Variants in SLC24A2 observed in about 807,000 individuals in gnomAD.
The protein encoded by SLC24A2 is solute carrier family 24 member 2.
In SLC24A2, 36 loss-of-function variants were observed where a neutral mutation model predicts 62.0. The observed-to-expected ratio is 0.58, with a 90% CI of 0.44 to 0.77. SLC24A2 has a LOEUF of 0.77. SLC24A2 is among the 30% of genes least tolerant of loss of function. SLC24A2 has a pLI of 0.00. For missense variants in SLC24A2, 846 were observed against 817.9 expected (o/e 1.03, Z -0.42); for synonymous variants, 358 against 294.0 (o/e 1.22, Z -2.23).
the SLC24A2 span, among the ~76,000 whole-genome samples, chr9:20,201,764 T>C: frequency 1.3e-5 from 2 of 152,162 alleles, no homozygotes; most frequent in Non-Finnish European, 2.9e-5. Context: ...AGGAGAAAAG[T>C]AACATTTTTA....
rs146391548 is a variant in SLC24A2, at chr9:19,509,018, A to G, written c.*7135T>C. On this transcript the variant is annotated 3_prime_UTR_variant, in exon 11 of 11. Transcript: ENST00000341998. ...AATTTAGGCATAAGGAATTATTGAT[A>G]AATTGTATACCTCTATTTCCCATTT... 3.3e-5 allele frequency: 5 copies of G among 152,308 alleles called. No homozygotes were observed. The highest frequency in any genetic ancestry group is 1.2e-4 in the African/African-American group (5 of 41,580). 9.4% of individuals were successfully genotyped at this position (152,308 alleles called of 1,614,324 possible).
chr9:19,615,662 A>AC (rs1235720924), intron 4 of SLC24A2, among the ~76,000 whole-genome samples: 2 of 152,168 alleles, frequency 1.3e-5, no homozygotes, highest in African/African-American at 4.8e-5. Context: ...TCTCAGATTC[A>AC]CACCACTGTA....
the SLC24A2 span, among the ~76,000 whole-genome samples, chr9:20,111,009 A>G: frequency 6.6e-6 from 1 of 152,200 alleles, no homozygotes; most frequent in Non-Finnish European, 1.5e-5. Context: ...ATAAGGTGAA[A>G]TATGGTAGAT....
At chr9:20,033,299 C>T in the SLC24A2 span, among the ~76,000 whole-genome samples, 1 of 152,136 alleles carries the variant, frequency 6.6e-6, no homozygotes, top group Admixed American at 6.6e-5. Flanking sequence ...TTGCTGAGCA[C>T]GTCATTTAAT....
At chr9:19,955,710 T>C in the SLC24A2 span, among the ~76,000 whole-genome samples, 2 of 152,178 alleles carry the variant, frequency 1.3e-5, no homozygotes, top group African/African-American at 2.4e-5. Flanking sequence ...TGCTTTTCTA[T>C]AGAAAAATTC....
chr9:19,903,222 C>T, the SLC24A2 span, among the ~76,000 whole-genome samples: 2 of 152,122 alleles, frequency 1.3e-5, no homozygotes, highest in African/African-American at 4.8e-5. Flanking sequence ...GGCTGGAAGT[C>T]TGAGATCAGG....
the SLC24A2 span, among the ~76,000 whole-genome samples, chr9:19,815,959 C>CTTTTTTTT: frequency 6.8e-4 from 70 of 103,300 alleles, no homozygotes; most frequent in Admixed American, 9.3e-4. Context: ...TTTTTTGCCC[C>CTTTTTTTT]TTTTTTTTTT....
chr9:19,692,990 TC>T (rs1470529033), intron 2 of SLC24A2, among the ~76,000 whole-genome samples: 1 of 152,178 alleles, frequency 6.6e-6, no homozygotes, highest in Non-Finnish European at 1.5e-5. Context: ...AGGTTGTGTT[TC>T]TGTCCATAAA....
the SLC24A2 span, among the ~76,000 whole-genome samples, chr9:20,091,173 GA>G: frequency 6.6e-6 from 1 of 151,372 alleles, no homozygotes; most frequent in Non-Finnish European, 1.5e-5. Flanking sequence ...GAATAAGAAA[GA>G]ATGAACAAAA....
At chr9:20,089,622 T>C in the SLC24A2 span, among the ~76,000 whole-genome samples, 1 of 151,856 alleles carries the variant, frequency 6.6e-6, no homozygotes, top group Non-Finnish European at 1.5e-5. Flanking sequence ...AGAGTGAACA[T>C]GCCCACTAGT....
At chr9:19,799,561 A>G in the SLC24A2 span, among the ~76,000 whole-genome samples, 7 of 152,214 alleles carry the variant, frequency 4.6e-5, 1 homozygote, top group African/African-American at 1.7e-4. Flanking sequence ...CTGTCAGCTT[A>G]AAATCAGCTT....
the SLC24A2 span, among the ~76,000 whole-genome samples, chr9:20,069,960 A>T: frequency 6.6e-6 from 1 of 152,208 alleles, no homozygotes; most frequent in African/African-American, 2.4e-5. Flanking sequence ...TATCTACACA[A>T]CTTACTGTCT....
chr9:19,569,873 C>T (rs1835788537), intron 7 of SLC24A2, among the ~76,000 whole-genome samples: 1 of 152,106 alleles, frequency 6.6e-6, no homozygotes, highest in Admixed American at 6.5e-5. Flanking sequence ...TTATTTCTGC[C>T]TTTGTGGGTG....
the SLC24A2 span, among the ~76,000 whole-genome samples, chr9:20,307,738 G>T: frequency 1.3e-5 from 2 of 152,118 alleles, no homozygotes; most frequent in Non-Finnish European, 2.9e-5. Flanking sequence ...CCAAATCTAG[G>T]CTCAGAGACA....
the SLC24A2 span, among the ~76,000 whole-genome samples, chr9:19,898,478 C>T: frequency 6.6e-6 from 1 of 152,274 alleles, no homozygotes; most frequent in East Asian, 1.9e-4. Flanking sequence ...CGCGGTGGCT[C>T]ACGCCTGTAA....
intron 2 of SLC24A2, among the ~76,000 whole-genome samples, chr9:19,767,762 G>C (rs868561285): frequency 6.6e-6 from 1 of 152,260 alleles, no homozygotes; most frequent in Middle Eastern, 3.4e-3. Context: ...ACTTGACCAG[G>C]AACTTATCTG....
At chr9:19,716,578 T>A (rs1346675219) in intron 2 of SLC24A2, among the ~76,000 whole-genome samples, 1 of 152,202 alleles carries the variant, frequency 6.6e-6, no homozygotes, top group African/African-American at 2.4e-5. Flanking sequence ...CACGGTGGTG[T>A]TCTTTTAGGG....
At chr9:19,540,266 T>C (rs899762940) in intron 8 of SLC24A2, among the ~76,000 whole-genome samples, 1 of 139,156 alleles carries the variant, frequency 7.2e-6, no homozygotes, top group Non-Finnish European at 1.5e-5. Context: ...AGCTGGTGAT[T>C]TTGCTCGTTA....
the SLC24A2 span, among the ~76,000 whole-genome samples, chr9:20,172,326 G>A: frequency 1.3e-5 from 2 of 151,788 alleles, no homozygotes; most frequent in Non-Finnish European, 2.9e-5. Context: ...AAACCCAGCA[G>A]AAGAAAGGAA....
Sources: allele counts gnomAD v4.1 joint callset (sites outside exome capture counted in the v4.1 genomes callset), GRCh38; gene constraint gnomAD v4.1.1; transcripts MANE v1.5; gene names NCBI Gene and HGNC (gene_info 2026-07-23, HGNC 2026-07-21).